Variants in POLK observed in about 807,000 individuals in gnomAD.
POLK encodes the protein polymerase (DNA directed) kappa.
A neutral mutation model predicts 94.0 loss-of-function variants in POLK; 76 were observed. That is an observed-to-expected ratio of 0.81 (90% confidence interval 0.67 to 0.98). The LOEUF (loss-of-function observed/expected upper bound fraction) is 0.98, where lower values mean the gene tolerates loss of function less well. POLK is among the 50% of genes least tolerant of loss of function. The pLI, the probability that POLK is intolerant of heterozygous loss-of-function variation, is 0.00. For missense variants in POLK, 954 were observed against 1,010.1 expected (o/e 0.94, Z 0.75); for synonymous variants, 349 against 325.4 (o/e 1.07, Z -0.78).
At chr5:75,596,432 A>G in exon 13 of POLK, 2 of 1,613,702 alleles carry the variant, frequency 1.2e-6, no homozygotes, top group South Asian at 1.1e-5. Context: ...TGGAGTCACC[A>G]AGATACATTT....
downstream of POLK, among the ~76,000 whole-genome samples, chr5:75,601,997 T>C (rs146393676): frequency 6.6e-6 from 1 of 152,320 alleles, no homozygotes; most frequent in East Asian, 1.9e-4. Flanking sequence ...CCTAAGTCAA[T>C]TTGTTATATT....
At chr5:75,527,509 A>G (rs1768925001) in intron 1 of POLK, among the ~76,000 whole-genome samples, 1 of 129,734 alleles carries the variant, frequency 7.7e-6, no homozygotes, top group Non-Finnish European at 1.7e-5. Context: ...ATATACACAC[A>G]CACACACACA....
chr5:75,529,117 A>G (rs966557652), intron 1 of POLK, among the ~76,000 whole-genome samples: 2 of 152,174 alleles, frequency 1.3e-5, no homozygotes, highest in African/African-American at 4.8e-5. Flanking sequence ...TTTATAAAGA[A>G]AAGAGATTTA....
At chr5:75,602,885 C>T (rs1773327890), downstream of POLK, among the ~76,000 whole-genome samples, 1 of 152,192 alleles carries the variant, frequency 6.6e-6, no homozygotes, top group South Asian at 2.1e-4. Flanking sequence ...ATTTAATTCA[C>T]TCCACCAGAA....
intron 3 of POLK, among the ~76,000 whole-genome samples, 153 bp from the exon 4 acceptor site, chr5:75,569,187 G>C (rs1456840102): frequency 6.6e-6 from 1 of 152,138 alleles, no homozygotes; most frequent in Non-Finnish European, 1.5e-5. Context: ...ATAAGTAAGT[G>C]GATGGGTGGA....
intron 1 of POLK, among the ~76,000 whole-genome samples, chr5:75,526,710 T>G (rs1768868807): frequency 6.6e-6 from 1 of 151,750 alleles, no homozygotes; most frequent in South Asian, 2.1e-4. Context: ...GCCTCCTGAG[T>G]AGCTGGGATT....
rs575237745 is a variant in POLK, at chr5:75,593,372, C to T, written c.1357-506C>T. Among the ~76,000 whole-genome samples, 42 of 152,220 alleles carry T rather than the reference C, an allele frequency of 2.8e-4. No homozygotes were observed. The South Asian group carries it at 7.7e-3, about 28-fold the overall frequency. On this transcript the variant is annotated intron_variant, in intron 11 of 14. Coordinates refer to ENST00000241436, the Ensembl canonical transcript of POLK. ...GTCTTGAACTCCTGACCTCGTGATCCGCCCGCCCAAAATGCTGGGATTACA... is the reference window on the plus strand; with the variant it reads ...GTCTTGAACTCCTGACCTCGTGATCTGCCCGCCCAAAATGCTGGGATTACA...
At chr5:75,540,546 A>G (rs954931774) in intron 1 of POLK, among the ~76,000 whole-genome samples, 4 of 152,038 alleles carry the variant, frequency 2.6e-5, no homozygotes, top group African/African-American at 9.7e-5. Flanking sequence ...TGATCCTTCC[A>G]TCTTGGCCTC....
chr5:75,569,618 A>G (rs958589290), intron 4 of POLK, 126 bp downstream of exon 4: 3 of 740,482 alleles, frequency 4.1e-6, no homozygotes, highest in African/African-American at 1.8e-5. Context: ...GGTGCCTTAT[A>G]TATGACTCAA....
intron 3 of POLK, among the ~76,000 whole-genome samples, chr5:75,567,663 A>T (rs2112749403): frequency 6.6e-6 from 1 of 152,360 alleles, no homozygotes; most frequent in African/African-American, 2.4e-5. Context: ...CTGACAATTT[A>T]GTATCTAATA....
At chr5:75,519,904 T>C (rs180922633) in intron 1 of POLK, among the ~76,000 whole-genome samples, 5 of 152,342 alleles carry the variant, frequency 3.3e-5, no homozygotes, top group South Asian at 2.1e-4. Flanking sequence ...TAAGAACTTA[T>C]TATTGCCATT....
exon 13 of POLK, chr5:75,596,762 C>T (rs1773110554): frequency 6.2e-7 from 1 of 1,612,110 alleles, no homozygotes; most frequent in Non-Finnish European, 8.5e-7. Flanking sequence ...GAAGCCCATC[C>T]AAAAATTAAA....
At chr5:75,512,023 G>C in intron 1 of POLK, 109 bp downstream of exon 1, 1 of 516,518 alleles carries the variant, frequency 1.9e-6, no homozygotes, top group Non-Finnish European at 3.5e-6. Context: ...TTCTATCCTT[G>C]CCTTGTGTGT....
upstream of POLK, chr5:75,511,322 C>G (rs1240577475): frequency 1.3e-6 from 2 of 1,547,370 alleles, no homozygotes; most frequent in Non-Finnish European, 1.7e-6. Flanking sequence ...GTGCCCGCTC[C>G]GGTGTGGGGG....
At chr5:75,515,994 A>G (rs1768304801) in intron 1 of POLK, among the ~76,000 whole-genome samples, 1 of 152,110 alleles carries the variant, frequency 6.6e-6, no homozygotes, top group African/African-American at 2.4e-5. Flanking sequence ...GATGTTGAAC[A>G]TTTTTTTAAT....
intron 5 of POLK, among the ~76,000 whole-genome samples, chr5:75,576,249 A>G (rs1027912974): frequency 1.3e-5 from 2 of 152,168 alleles, no homozygotes; most frequent in Non-Finnish European, 2.9e-5. Context: ...CTTTTCCTGT[A>G]TGGATTAATG....
chr5:75,571,360 G>C (rs1482026199), intron 4 of POLK, among the ~76,000 whole-genome samples: 1 of 152,162 alleles, frequency 6.6e-6, no homozygotes, highest in Non-Finnish European at 1.5e-5. Flanking sequence ...TTGGCACTGA[G>C]AGTTGCAACT....
At chr5:75,608,346 A>T in the POLK span, among the ~76,000 whole-genome samples, 5 of 152,130 alleles carry the variant, frequency 3.3e-5, no homozygotes, top group Admixed American at 3.3e-4. Context: ...GGTCTGCCCC[A>T]CCACCACCAG....
chr5:75,511,483 C>A, upstream of POLK: 1 of 1,502,358 alleles, frequency 6.7e-7, no homozygotes, highest in East Asian at 2.5e-5. Flanking sequence ...TTGCGCCCGG[C>A]GCTGCCACCC....
Sources: allele counts gnomAD v4.1 joint callset (sites outside exome capture counted in the v4.1 genomes callset), GRCh38; gene constraint gnomAD v4.1.1; transcripts MANE v1.5; gene names NCBI Gene and HGNC (gene_info 2026-07-23, HGNC 2026-07-21).